The following CD46 variants were observed in gnomAD, a reference collection of about 807,000 sequenced individuals.
CD46 encodes the protein membrane cofactor protein.
CD46 carries 30 observed loss-of-function variants against 53.3 expected under a neutral mutation model. That is an observed-to-expected ratio of 0.56 (90% CI 0.42 to 0.76). The LOEUF is 0.76. Ranked by LOEUF, CD46 falls within the 30% of genes least tolerant of loss-of-function variation. The pLI is 0.00. For missense variants in CD46, 409 were observed against 463.0 expected (o/e 0.88, Z 1.07); for synonymous variants, 142 against 152.0 (o/e 0.93, Z 0.48).
rs186775054 is a variant in CD46 at position 207,793,503 on chromosome 1, A to T, written c.*42-16A>T. On this transcript the variant is annotated splice_polypyrimidine_tract_variant and intron_variant, in intron 12 of 12. Transcript: ENST00000367042. ...TATATTTATCTTTGACATGATCTTT[A>T]TACCTTGGTTTGCAGGAAAGCAGAT... is the stretch of plus-strand genomic sequence containing the variant. 6.3e-7 allele frequency: 1 copy of T among 1,592,424 alleles called. No homozygotes were observed. The highest frequency in any genetic ancestry group is 1.3e-5 in the African/African-American group (1 of 74,470).
intron 11 of CD46, among the ~76,000 whole-genome samples, chr1:207,788,159 T>TA (rs1659442394): frequency 6.6e-6 from 1 of 152,014 alleles, no homozygotes. Context: ...TGTGTATCCT[T>TA]AAAAAAAGGC....
intron 8 of CD46, among the ~76,000 whole-genome samples, chr1:207,782,640 CTTTTTTT>C (rs35546891): frequency 4.8e-5 from 3 of 62,604 alleles, no homozygotes; most frequent in Non-Finnish European, 8.6e-5. Flanking sequence ...ATTAATCCCT[CTTTTTTT>C]TTTTTTTTTT....
chr1:207,774,149 G>T (rs1261640648), intron 8 of CD46, among the ~76,000 whole-genome samples: 1 of 151,868 alleles, frequency 6.6e-6, no homozygotes, highest in African/African-American at 2.4e-5. Context: ...GGCCTTCTTT[G>T]TCTCTTTTGA....
chr1:207,784,108 A>G (rs1021466454), intron 9 of CD46, among the ~76,000 whole-genome samples: 1 of 152,154 alleles, frequency 6.6e-6, no homozygotes, highest in Non-Finnish European at 1.5e-5. Context: ...TGTTTCATTT[A>G]TTATGGGAAT....
chr1:207,778,767 A>C (rs900658898), intron 8 of CD46, among the ~76,000 whole-genome samples: 2 of 152,112 alleles, frequency 1.3e-5, no homozygotes, highest in Non-Finnish European at 2.9e-5. Context: ...TTGACTATTC[A>C]GGCTCTTTTT....
chr1:207,752,441 T>C lies in CD46; in HGVS notation c.97+132T>C. 2 of 859,402 alleles carry C rather than the reference T, an allele frequency of 2.3e-6. No individual in the cohort carries two copies. Among genetic ancestry groups the C allele is most frequent in the Middle Eastern group, 2.8e-4 (1 of 3,528 alleles). The allele number at this position is 859,402 out of a possible 1,614,324, so 53.2% of individuals were successfully genotyped here. ...CAGGGTTCTCTGAGGGGTGCAGTGC[T>C]CAGATCCCGGGGGTATGTGGCGGGG... On this transcript the variant is annotated intron_variant, in intron 1 of 12. Coordinates refer to ENST00000367042, the MANE Select transcript of CD46 (RefSeq NM_172351.3). The surrounding 1 kb of genome is among the most constrained non-coding windows in gnomAD (Gnocchi z 4.1).
At position 207,752,106 on chromosome 1, in the gene CD46, G is replaced by A. The variant is rs902891671; in HGVS notation, c.-107G>A. ...GCAGCACTGGATGCTTTGTGAGTTG[G>A]GGATTGTTGCGTCCCATATCTGGAC... On this transcript the variant is annotated 5_prime_UTR_variant, in exon 1 of 13. Coordinates refer to ENST00000367042, the MANE Select transcript of CD46 (RefSeq NM_172351.3). The surrounding 1 kb of genome is among the most constrained non-coding windows in gnomAD (Gnocchi z 4.1). 7 of 1,045,978 alleles carry A rather than the reference G, an allele frequency of 6.7e-6. No individual in the cohort carries two copies. Among genetic ancestry groups the A allele is most frequent in the Non-Finnish European group, 1.0e-5 (7 of 673,888 alleles). The allele number at this position is 1,045,978 out of a possible 1,614,324, so 64.8% of individuals were successfully genotyped here.
Position 207,790,300 on chromosome 1 carries a change from T to G in CD46, c.1130T>G (p.Leu377Arg). 6.3e-7 allele frequency: 1 copy of G among 1,598,818 alleles called. No individual in the cohort carries two copies. Among genetic ancestry groups the G allele is most frequent in the East Asian group, 2.2e-5 (1 of 44,720 alleles). Residue 377 changes from leucine to arginine, a missense_variant, in exon 12 of 13, where the codon CTC (leucine) becomes CGC (arginine). Physicochemically the swap from Leu to Arg is moderately radical, Grantham distance 102 (BLOSUM62 -2). Coordinates refer to ENST00000367042, the MANE Select transcript of CD46 (RefSeq NM_172351.3). Reference sequence around the variant, plus strand: ...CACAGAGAAGTAAAATTTACTTCTCTCTGAGAAGGAGAGATGAGAGAAAGG... The same window carrying G: ...CACAGAGAAGTAAAATTTACTTCTCGCTGAGAAGGAGAGATGAGAGAAAGG... ...ETHREVKFTS[L>R]
chr1:207,757,528 A>G lies in CD46; in HGVS notation c.287-12A>G. On this transcript the variant is annotated splice_polypyrimidine_tract_variant and intron_variant, in intron 2 of 12. Transcript: ENST00000367042. ...AACTGGATTGAAAACTATCAAAATT[A>G]TTTTCTTTCAGGAGAAACATGTCCA... 6.5e-7 allele frequency: 1 copy of G among 1,535,414 alleles called. No individual in the cohort carries two copies. The highest frequency in any genetic ancestry group is 9.0e-7 in the Non-Finnish European group (1 of 1,113,450).
chr1:207,774,896 T>C (rs1213782040), intron 8 of CD46, among the ~76,000 whole-genome samples: 1 of 152,176 alleles, frequency 6.6e-6, no homozygotes, highest in Non-Finnish European at 1.5e-5. Flanking sequence ...ATTTTTGTGG[T>C]GTTCTCTGTA....
In CD46 at chr1:207,793,560, A is replaced by C. The variant is rs1010304636; in HGVS notation, c.*83A>C. The C allele has an allele frequency of 6.2e-7, 1 of 1,613,976 alleles. No homozygotes were observed. The highest frequency in any genetic ancestry group is 1.3e-5 in the African/African-American group (1 of 74,924). On this transcript the variant is annotated 3_prime_UTR_variant, in exon 13 of 13. Coordinates refer to ENST00000367042, the MANE Select transcript of CD46 (RefSeq NM_172351.3). ...GCTGAATATGCCACTTACCAGACTA[A>C]ATCAACCACTCCAGCAGAGCAGAGA...
In CD46 at chr1:207,767,817, G is replaced by C; in HGVS notation, c.895G>C (p.Ala299Pro). 6.2e-7 allele frequency: 1 copy of C among 1,609,276 alleles called. No individual in the cohort carries two copies. ...CACTACAAAATCTCCAGCGTCCAGT[G>C]CCTCAGGTTTAGTAATTTCCTGCTT... ...SSTTKSPASS[A>P]SGPRPTYKPP... The change falls in exon 7 of 13, where the codon GCC becomes CCC. Residue 299 changes from alanine to proline, a missense_variant. Ala to Pro is a conservative substitution (Grantham distance 27). Transcript: ENST00000367042.
chr1:207,784,416 TTACTC>T (rs1396892171), intron 9 of CD46, among the ~76,000 whole-genome samples: 1 of 152,198 alleles, frequency 6.6e-6, no homozygotes, highest in Non-Finnish European at 1.5e-5. Context: ...TGAATTCTAA[TTACTC>T]TAATAACTTT....
intron 8 of CD46, among the ~76,000 whole-genome samples, chr1:207,772,527 G>A (rs2488256): frequency 0.62 from 93,529 of 152,022 alleles, 29,143 homozygotes; most frequent in East Asian, 0.91. Flanking sequence ...TATGATATTG[G>A]CTGTGGGTTT....
intron 7 of CD46, chr1:207,768,254 GTA>G (rs1452276127): frequency 5.5e-6 from 1 of 181,106 alleles, no homozygotes; most frequent in African/African-American, 2.4e-5. Context: ...ATGTTTGTTA[GTA>G]TGTGTGTGTG....
At chr1:207,781,814 ATT>A (rs1658765928) in intron 8 of CD46, among the ~76,000 whole-genome samples, 1 of 151,696 alleles carries the variant, frequency 6.6e-6, no homozygotes. Flanking sequence ...CATTGTTTTG[ATT>A]ATTATAGTTT....
In CD46 at chr1:207,752,163, C is replaced by G. The variant is rs769136203; in HGVS notation, c.-50C>G. 3.2e-6 allele frequency: 5 copies of G among 1,559,620 alleles called. No homozygotes were observed. Reference sequence around the variant, plus strand: ...GGGACTTCCCTGCTCGGCTGGCTCTCGGTTTCTCTGCTTTCCTCCGGAGAA... The same window carrying G: ...GGGACTTCCCTGCTCGGCTGGCTCTGGGTTTCTCTGCTTTCCTCCGGAGAA... On this transcript the variant is annotated 5_prime_UTR_variant, in exon 1 of 13. Transcript: ENST00000367042. The surrounding 1 kb of genome is among the most constrained non-coding windows in gnomAD (Gnocchi z 4.1).
chr1:207,767,540 T>A (rs1198193574), intron 6 of CD46: 1 of 1,242,912 alleles, frequency 8.0e-7, no homozygotes, highest in Admixed American at 1.7e-5. Context: ...ATGGCATAAT[T>A]CATATAAATG....
At chr1:207,778,315 T>C (rs1013471879) in intron 8 of CD46, among the ~76,000 whole-genome samples, 30 of 152,192 alleles carry the variant, frequency 2.0e-4, no homozygotes, top group African/African-American at 7.0e-4. Context: ...CAATTTTTGC[T>C]TGTGTTGCGA....
Sources: allele counts gnomAD v4.1 joint callset (sites outside exome capture counted in the v4.1 genomes callset), GRCh38; gene constraint gnomAD v4.1.1; non-coding constraint Gnocchi (gnomAD v3.1); transcripts MANE v1.5; gene names NCBI Gene and HGNC (gene_info 2026-07-23, HGNC 2026-07-21).